RCAN1: variants seen among roughly 807,000 people sequenced by gnomAD.
The protein encoded by RCAN1 is regulator of calcineurin 1.
A neutral mutation model predicts 22.9 loss-of-function variants in RCAN1; 11 were observed. That is an observed-to-expected ratio of 0.48 (90% confidence interval 0.30 to 0.79). RCAN1 has a LOEUF of 0.79. Among genes scored for constraint, RCAN1 ranks in the 30% least tolerant of loss-of-function variants. RCAN1 has a pLI of 0.06. For missense variants in RCAN1, 291 were observed against 337.8 expected (o/e 0.86, Z 1.09); for synonymous variants, 136 against 142.3 (o/e 0.96, Z 0.32).
rs556287889 is a variant in RCAN1 at position 34,607,770 on chromosome 21, G to C, written c.252+6990C>G. Among the ~76,000 whole-genome samples the C allele has an allele frequency of 5.4e-4, 82 of 152,358 alleles. 1 individual carries two copies. The highest frequency in any genetic ancestry group is 1.9e-3 in the African/African-American group (77 of 41,582). ...TACTAATGAATATCTAACTGTGGTA[G>C]GCAGCCTATAGCAGGGATCGCCAAC... On this transcript the variant is annotated intron_variant, in intron 1 of 3. Coordinates refer to ENST00000313806, the MANE Select transcript of RCAN1 (RefSeq NM_004414.7).
chr21:34,529,970 T>A (rs920502669), intron 1 of RCAN1, among the ~76,000 whole-genome samples: 16 of 152,248 alleles, frequency 1.1e-4, no homozygotes, highest in Non-Finnish European at 2.1e-4. Flanking sequence ...TGCCGCCATG[T>A]AAGAAGTGTC....
At chr21:34,537,091 TG>T (rs374779644) in intron 1 of RCAN1, among the ~76,000 whole-genome samples, 9 of 152,350 alleles carry the variant, frequency 5.9e-5, no homozygotes, top group African/African-American at 2.2e-4. Context: ...AAGCATGTCC[TG>T]TCATCTTCAT....
chr21:34,594,092 C>T (rs1988066440), intron 1 of RCAN1, among the ~76,000 whole-genome samples: 1 of 151,986 alleles, frequency 6.6e-6, no homozygotes, highest in Non-Finnish European at 1.5e-5. Flanking sequence ...CTGTCGTGAC[C>T]CTTGAGTTAG....
chr21:34,530,625 T>TTTTGTTTGTTTGTTTTG, intron 1 of RCAN1, among the ~76,000 whole-genome samples: 1 of 72,010 alleles, frequency 1.4e-5, no homozygotes, highest in Non-Finnish European at 2.9e-5. Context: ...AGTTTTTTTT[T>TTTTGTTTGTTTGTTTTG]TTTTTTTTTT....
chr21:34,544,852 G>A (rs1166974473), intron 1 of RCAN1, among the ~76,000 whole-genome samples: 2 of 152,234 alleles, frequency 1.3e-5, no homozygotes, highest in African/African-American at 2.4e-5. Flanking sequence ...CAGTGCGAGG[G>A]ACGCACGTGG....
chr21:34,598,029 TAGAGA>T (rs1379338239), intron 1 of RCAN1, among the ~76,000 whole-genome samples: 1 of 152,076 alleles, frequency 6.6e-6, no homozygotes, highest in Non-Finnish European at 1.5e-5. Flanking sequence ...CTGTACTGAG[TAGAGA>T]AAAGATGGCT....
chr21:34,550,334 A>G (rs1172275551), intron 1 of RCAN1, among the ~76,000 whole-genome samples: 3 of 152,072 alleles, frequency 2.0e-5, no homozygotes, highest in Admixed American at 2.0e-4. Context: ...GCTGAAATGA[A>G]CTCCTCCCAA....
At chr21:34,581,857 G>A (rs1987621252) in intron 1 of RCAN1, among the ~76,000 whole-genome samples, 1 of 152,196 alleles carries the variant, frequency 6.6e-6, no homozygotes, top group African/African-American at 2.4e-5. Flanking sequence ...CTCTTGCAAA[G>A]CAACTGCCTC....
chr21:34,593,291 C>A (rs534276166), intron 1 of RCAN1, among the ~76,000 whole-genome samples: 1 of 152,312 alleles, frequency 6.6e-6, no homozygotes, highest in Admixed American at 6.5e-5. Context: ...CAACATAATA[C>A]TACTAGCCCT....
intron 1 of RCAN1, among the ~76,000 whole-genome samples, chr21:34,612,013 C>T (rs1335698399): frequency 6.6e-6 from 1 of 152,122 alleles, no homozygotes; most frequent in Non-Finnish European, 1.5e-5. Flanking sequence ...CACAACCCTC[C>T]CTCATCCCCA....
At chr21:34,548,464 A>G (rs1986230106) in intron 1 of RCAN1, among the ~76,000 whole-genome samples, 1 of 152,228 alleles carries the variant, frequency 6.6e-6, no homozygotes, top group East Asian at 1.9e-4. Context: ...AAACTGAGAA[A>G]GCTGGAAAGT....
At chr21:34,588,173 A>G (rs1469278667) in intron 1 of RCAN1, among the ~76,000 whole-genome samples, 1 of 152,258 alleles carries the variant, frequency 6.6e-6, no homozygotes, top group Non-Finnish European at 1.5e-5. Flanking sequence ...TTTCATAAAC[A>G]TAATGTTGAA....
chr21:34,534,905 C>T (rs2123611833), intron 1 of RCAN1, among the ~76,000 whole-genome samples: 2 of 152,306 alleles, frequency 1.3e-5, no homozygotes, highest in South Asian at 2.1e-4. Context: ...GAGGCCCGAC[C>T]ACATGGACAC....
At chr21:34,580,181 A>C (rs1344727469) in intron 1 of RCAN1, among the ~76,000 whole-genome samples, 1 of 138,428 alleles carries the variant, frequency 7.2e-6, no homozygotes, top group Non-Finnish European at 1.6e-5. Context: ...CTGGGAAGTC[A>C]AGCCCAGCTT....
chr21:34,545,579 T>G (rs1438229015), intron 1 of RCAN1, among the ~76,000 whole-genome samples: 1 of 152,170 alleles, frequency 6.6e-6, no homozygotes, highest in African/African-American at 2.4e-5. Flanking sequence ...ACAAAGATCC[T>G]TTGTGTTCCC....
chr21:34,526,778 G>A (rs1352904490), intron 1 of RCAN1: 3 of 1,600,530 alleles, frequency 1.9e-6, no homozygotes, highest in Non-Finnish European at 2.6e-6. Context: ...AAGCGCTACA[G>A]ACCCACGCAG....
At chr21:34,599,215 G>C (rs2037434663) in intron 1 of RCAN1, among the ~76,000 whole-genome samples, 1 of 152,094 alleles carries the variant, frequency 6.6e-6, no homozygotes, top group South Asian at 2.1e-4. Context: ...TTTATAATAG[G>C]GAAAAAAACC....
chr21:34,547,190 A>G (rs758410796), intron 1 of RCAN1, among the ~76,000 whole-genome samples: 4 of 152,214 alleles, frequency 2.6e-5, no homozygotes, highest in Non-Finnish European at 2.9e-5. Context: ...CAGGTGCTAC[A>G]GGAGCCTGAG....
intron 1 of RCAN1, chr21:34,525,351 C>T: frequency 1.3e-6 from 2 of 1,486,290 alleles, no homozygotes; most frequent in Non-Finnish European, 9.0e-7. Flanking sequence ...CTGAGACTTT[C>T]CCACGAGGGA....
Sources: gnomAD v4.1 joint callset for allele counts (sites outside exome capture counted in the v4.1 genomes callset) on GRCh38, gnomAD v4.1.1 for gene constraint, MANE v1.5 for transcripts, NCBI Gene and HGNC (gene_info 2026-07-23, HGNC 2026-07-21) for gene names.